Variants in CNTNAP5 observed in about 807,000 individuals in gnomAD.
CNTNAP5 encodes the protein contactin associated protein family member 5.
Under a neutral mutation model 150.2 loss-of-function variants are expected in CNTNAP5, and 72 were observed. The observed-to-expected ratio is 0.48, with a 90% CI of 0.40 to 0.58. CNTNAP5 has a LOEUF of 0.58. CNTNAP5 is among the 20% of genes least tolerant of loss of function. The pLI is 0.00. For missense variants in CNTNAP5, 1,636 were observed against 1,626.2 expected (o/e 1.01, Z -0.10); for synonymous variants, 672 against 619.8 (o/e 1.08, Z -1.25).
At chr2:124,287,024 G>T (rs1573891992) in intron 3 of CNTNAP5, among the ~76,000 whole-genome samples, 1 of 152,280 alleles carries the variant, frequency 6.6e-6, no homozygotes, top group East Asian at 1.9e-4. Context: ...GTCCCTGAGA[G>T]ATGAATGCTT....
intron 12 of CNTNAP5, among the ~76,000 whole-genome samples, chr2:124,624,072 C>T (rs542574297): frequency 4.6e-5 from 7 of 152,170 alleles, no homozygotes; most frequent in Admixed American, 3.3e-4. Context: ...GTCTCTTAGG[C>T]GAAGCTCTGG....
At chr2:124,560,067 G>A (rs1259560507) in intron 10 of CNTNAP5, among the ~76,000 whole-genome samples, 1 of 152,064 alleles carries the variant, frequency 6.6e-6, no homozygotes, top group Non-Finnish European at 1.5e-5. Context: ...ACATTTTTAT[G>A]GTAAATTGAG....
chr2:124,698,464 G>A lies in CNTNAP5; in HGVS notation c.2078-48765G>A, dbSNP rs1388850913. On this transcript the variant is annotated intron_variant, in intron 13 of 23. Transcript: ENST00000682447. The stretch of plus-strand genomic sequence containing the variant: ...TTTATCATAAATTGATTGGTAGCAG[G>A]TACTAAATCTTTTTTCTTAAACTTT... Among the ~76,000 whole-genome samples, 5 of 151,654 alleles carry A rather than the reference G, an allele frequency of 3.3e-5. No individual in the cohort carries two copies. In the East Asian group the frequency reaches 9.7e-4, roughly 29 times the overall value.
chr2:124,885,476 A>G (rs1439625971), intron 21 of CNTNAP5, among the ~76,000 whole-genome samples: 4 of 151,890 alleles, frequency 2.6e-5, no homozygotes, highest in Non-Finnish European at 5.9e-5. Context: ...TTTAAAGAAT[A>G]CAATTCAGAG....
Position 124,691,220 on chromosome 2 carries a change from G to A in CNTNAP5, c.2077+43262G>A, listed in dbSNP as rs7596459. 9.8e-3 allele frequency among the ~76,000 whole-genome samples: 1,487 copies of A among 152,208 alleles called. 28 individuals carry two copies. Among genetic ancestry groups the A allele is most frequent in the African/African-American group, 0.034 (1,410 of 41,536 alleles). On this transcript the variant is annotated intron_variant, in intron 13 of 23. Coordinates refer to ENST00000682447, the MANE Select transcript of CNTNAP5 (RefSeq NM_001367498.1). ...GCAACATTTTTCTTGGCTTCTCTGCGTAGCATTCTTCCTTCTGGGTGTAGG... is the reference window on the plus strand; with the variant it reads ...GCAACATTTTTCTTGGCTTCTCTGCATAGCATTCTTCCTTCTGGGTGTAGG...
chr2:124,512,923 C>G (rs1485519979), intron 8 of CNTNAP5, among the ~76,000 whole-genome samples: 1 of 152,144 alleles, frequency 6.6e-6, no homozygotes, highest in Admixed American at 6.5e-5. Flanking sequence ...ATATGTCATC[C>G]TGTAGCTATG....
At chr2:124,899,686 T>C (rs1459919030) in intron 21 of CNTNAP5, among the ~76,000 whole-genome samples, 1 of 151,380 alleles carries the variant, frequency 6.6e-6, no homozygotes, top group Non-Finnish European at 1.5e-5. Context: ...TTTGCTTGCA[T>C]TCCCATTTTG....
At chr2:124,085,541 C>G (rs1324189798) in intron 1 of CNTNAP5, among the ~76,000 whole-genome samples, 1 of 152,202 alleles carries the variant, frequency 6.6e-6, no homozygotes, top group East Asian at 1.9e-4. Flanking sequence ...TTTCTGCTCT[C>G]TTCCCTCTTC....
intron 13 of CNTNAP5, among the ~76,000 whole-genome samples, chr2:124,684,152 G>A (rs1679142512): frequency 6.6e-6 from 1 of 152,166 alleles, no homozygotes; most frequent in Non-Finnish European, 1.5e-5. Flanking sequence ...AAAGCTAAAT[G>A]TGTAAACAGA....
At chr2:124,582,193 G>C (rs1219917580) in intron 11 of CNTNAP5, among the ~76,000 whole-genome samples, 1 of 152,042 alleles carries the variant, frequency 6.6e-6, no homozygotes, top group Non-Finnish European at 1.5e-5. Flanking sequence ...GGCCTCGGTG[G>C]CTGTGTCTCG....
chr2:124,707,195 GAAGAAGAAGAAT>G (rs1679707172), intron 13 of CNTNAP5, among the ~76,000 whole-genome samples: 18 of 130,798 alleles, frequency 1.4e-4, no homozygotes, highest in African/African-American at 3.6e-4. Flanking sequence ...AGAAGAAGAA[GAAGAAGAAGAAT>G]AAACAACTTG....
At chr2:124,228,544 A>C (rs575000217) in intron 2 of CNTNAP5, among the ~76,000 whole-genome samples, 1 of 152,296 alleles carries the variant, frequency 6.6e-6, no homozygotes, top group South Asian at 2.1e-4. Flanking sequence ...ACAACTTCAC[A>C]GTATCTAAGC....
intron 19 of CNTNAP5, among the ~76,000 whole-genome samples, chr2:124,798,642 GAAGGACACTTGCC>G (rs1681899785): frequency 6.6e-6 from 1 of 152,176 alleles, no homozygotes; most frequent in Admixed American, 6.5e-5. Context: ...CCGAATTTCA[GAAGGACACTTGCC>G]ACATGTATTT....
chr2:124,130,694 T>C (rs1683823674), intron 1 of CNTNAP5, among the ~76,000 whole-genome samples: 1 of 151,916 alleles, frequency 6.6e-6, no homozygotes, highest in Non-Finnish European at 1.5e-5. Context: ...AGCCCCAAAC[T>C]CATTTTTATA....
intron 3 of CNTNAP5, among the ~76,000 whole-genome samples, chr2:124,249,131 A>T (rs1404017329): frequency 1.3e-5 from 2 of 152,092 alleles, no homozygotes; most frequent in African/African-American, 4.8e-5. Context: ...ATGCCCTACA[A>T]ACCATCAATT....
At chr2:124,155,101 T>C (rs1684494380) in intron 1 of CNTNAP5, among the ~76,000 whole-genome samples, 2 of 119,794 alleles carry the variant, frequency 1.7e-5, no homozygotes, top group Non-Finnish European at 3.5e-5. Flanking sequence ...TTTTTTTTGA[T>C]GGCACTAATT....
chr2:124,411,813 A>T (rs373979929), intron 3 of CNTNAP5, among the ~76,000 whole-genome samples: 11 of 89,536 alleles, frequency 1.2e-4, no homozygotes, highest in African/African-American at 3.6e-4. Context: ...CTTTGAAAAC[A>T]GGCACAAGAC....
intron 19 of CNTNAP5, among the ~76,000 whole-genome samples, 164 bp from the exon 20 acceptor site, chr2:124,865,142 T>C (rs1021049254): frequency 7.2e-5 from 11 of 152,144 alleles, no homozygotes; most frequent in African/African-American, 2.7e-4. Context: ...CTTCAGAATT[T>C]TCTTTAGGGA....
intron 13 of CNTNAP5, among the ~76,000 whole-genome samples, chr2:124,686,145 G>T (rs1344852061): frequency 6.6e-6 from 1 of 152,080 alleles, no homozygotes; most frequent in African/African-American, 2.4e-5. Flanking sequence ...GTGAGTGGGA[G>T]AATTCAATTC....
Sources: gnomAD v4.1 joint callset for allele counts (sites outside exome capture counted in the v4.1 genomes callset) on GRCh38, gnomAD v4.1.1 for gene constraint, MANE v1.5 for transcripts, NCBI Gene and HGNC (gene_info 2026-07-23, HGNC 2026-07-21) for gene names.